WWOX: variants seen among roughly 807,000 people sequenced by gnomAD.
WWOX encodes the protein WW domain containing oxidoreductase.
Under a neutral mutation model 46.2 loss-of-function variants are expected in WWOX, and 69 were observed. The observed-to-expected ratio is 1.49, with a 90% confidence interval of 1.23 to 1.82. WWOX has a LOEUF of 1.82. WWOX is among the 40% of genes most tolerant of loss of function. The pLI is 0.00. For synonymous variants in WWOX, 359 were observed against 202.6 expected (o/e 1.77, Z -6.56); for missense variants, 919 against 542.6 (o/e 1.69, Z -6.89).
intron 8 of WWOX, among the ~76,000 whole-genome samples, chr16:79,200,284 G>A (rs1021461213): frequency 6.6e-6 from 1 of 152,162 alleles, no homozygotes; most frequent in Non-Finnish European, 1.5e-5. Flanking sequence ...GCCACCAGAG[G>A]GATCAAATGG....
Position 78,541,473 on chromosome 16 carries a change from C to CAAA in WWOX, c.1056+108752_1056+108754dup, listed in dbSNP as rs59900108. ...TGGGCGACAGAGCGAGACTCCGTCT[C>CAAA]AAAAAAAAAAAAAAAAAAAAAAAAA... On this transcript the variant is annotated intron_variant, in intron 8 of 8. Coordinates refer to ENST00000566780, the MANE Select transcript of WWOX (RefSeq NM_016373.4). Among the ~76,000 whole-genome samples, 97 of 45,168 alleles carry CAAA rather than the reference C, an allele frequency of 2.1e-3. 19 individuals are homozygous for CAAA. The highest frequency in any genetic ancestry group is 9.0e-3 in the African/African-American group (83 of 9,192). The allele number at this position is 45,168 out of a possible 152,430, so 29.6% of individuals were successfully genotyped here.
chr16:78,312,243 A>C (rs990166426), intron 5 of WWOX, among the ~76,000 whole-genome samples: 1 of 137,068 alleles, frequency 7.3e-6, no homozygotes, highest in Non-Finnish European at 1.6e-5. Flanking sequence ...TCTCGATTTT[A>C]TTTTAATTTT....
chr16:78,646,086 C>T (rs563130420), intron 8 of WWOX, among the ~76,000 whole-genome samples: 6 of 152,286 alleles, frequency 3.9e-5, no homozygotes, highest in African/African-American at 4.8e-5. Context: ...CGCATACTCT[C>T]CTCATGTCAA....
At chr16:78,721,794 AC>A (rs2048698366) in intron 8 of WWOX, among the ~76,000 whole-genome samples, 1 of 152,108 alleles carries the variant, frequency 6.6e-6, no homozygotes, top group Non-Finnish European at 1.5e-5. Flanking sequence ...CTCCGAAGAT[AC>A]CCCCGACTTC....
intron 8 of WWOX, among the ~76,000 whole-genome samples, chr16:78,657,480 A>G (rs1048008826): frequency 2.6e-5 from 4 of 152,212 alleles, no homozygotes; most frequent in Admixed American, 6.5e-5. Context: ...TGCCACTACG[A>G]TGCATGCTGG....
At chr16:78,307,109 C>T (rs1446286438) in intron 5 of WWOX, among the ~76,000 whole-genome samples, 2 of 152,194 alleles carry the variant, frequency 1.3e-5, no homozygotes, top group Admixed American at 6.5e-5. Context: ...GGGATTTCTA[C>T]ACCGTGGCTA....
intron 8 of WWOX, among the ~76,000 whole-genome samples, chr16:79,048,930 G>T (rs2048115635): frequency 6.6e-6 from 1 of 152,186 alleles, no homozygotes; most frequent in African/African-American, 2.4e-5. Context: ...CTTTGGTACA[G>T]AGATGGGAGT....
At chr16:78,500,370 T>A (rs1213747759) in intron 8 of WWOX, among the ~76,000 whole-genome samples, 1 of 151,030 alleles carries the variant, frequency 6.6e-6, no homozygotes, top group Non-Finnish European at 1.5e-5. Context: ...ACAGCCAACA[T>A]TTTTGCATTT....
At chr16:78,762,570 C>T (rs533984236) in intron 8 of WWOX, among the ~76,000 whole-genome samples, 8 of 152,326 alleles carry the variant, frequency 5.3e-5, no homozygotes, top group African/African-American at 1.9e-4. Flanking sequence ...TGCCATGAGT[C>T]GAGGTGACAC....
intron 5 of WWOX, among the ~76,000 whole-genome samples, chr16:78,363,921 T>G (rs2081471604): frequency 6.6e-6 from 1 of 152,212 alleles, no homozygotes; most frequent in Non-Finnish European, 1.5e-5. Context: ...TCCGCCATCT[T>G]GTTGTGATGC....
intron 8 of WWOX, among the ~76,000 whole-genome samples, chr16:78,482,739 C>T (rs1010037781): frequency 5.9e-5 from 9 of 152,092 alleles, no homozygotes; most frequent in Non-Finnish European, 1.0e-4. Context: ...CACTTATTGG[C>T]GCTAAGACTG....
chr16:78,513,177 A>G (rs1403009345), intron 8 of WWOX, among the ~76,000 whole-genome samples: 1 of 152,234 alleles, frequency 6.6e-6, no homozygotes, highest in Non-Finnish European at 1.5e-5. Context: ...AATGCCTCAA[A>G]TCATTTTTGG....
intron 8 of WWOX, among the ~76,000 whole-genome samples, chr16:79,199,618 C>T (rs939290203): frequency 6.6e-6 from 1 of 152,160 alleles, no homozygotes; most frequent in Non-Finnish European, 1.5e-5. Context: ...AGCTAAAATT[C>T]TCCACCTTGC....
At chr16:78,777,228 C>T (rs1438093460) in intron 8 of WWOX, among the ~76,000 whole-genome samples, 1 of 151,932 alleles carries the variant, frequency 6.6e-6, no homozygotes, top group African/African-American at 2.4e-5. Context: ...CTCTTCCTTC[C>T]TACTTAGAAG....
intron 5 of WWOX, among the ~76,000 whole-genome samples, chr16:78,195,821 CAA>C (rs148609646): frequency 1.6e-4 from 12 of 76,056 alleles, no homozygotes; most frequent in African/African-American, 2.6e-4. Flanking sequence ...GACTCTGCCT[CAA>C]AAAAAAAAAA....
In WWOX at chr16:78,337,855, G is replaced by T. The variant is rs1166685630; in HGVS notation, c.517-49005G>T. On this transcript the variant is annotated intron_variant, in intron 5 of 8. Coordinates refer to ENST00000566780, the MANE Select transcript of WWOX (RefSeq NM_016373.4). ...TTCCACCATGAAGAAGTGGAGAGCC[G>T]TGTGACCTCAGTGGTAGAGCTGATG... Among the ~76,000 whole-genome samples the T allele has an allele frequency of 3.0e-5, 3 of 100,332 alleles. 1 individual carries two copies. The highest frequency in any genetic ancestry group is 7.5e-5 in the Non-Finnish European group (3 of 40,224). 65.8% of individuals were successfully genotyped at this position (100,332 alleles called of 152,430 possible).
intron 8 of WWOX, among the ~76,000 whole-genome samples, chr16:79,038,807 C>T (rs1391950871): frequency 6.6e-6 from 1 of 152,150 alleles, no homozygotes. Context: ...GCCTCAGCCT[C>T]CCAAAGTGCT....
intron 8 of WWOX, among the ~76,000 whole-genome samples, chr16:78,942,080 C>A (rs757508552): frequency 4.6e-5 from 7 of 152,102 alleles, no homozygotes; most frequent in Non-Finnish European, 7.4e-5. Context: ...CTTTAGTATG[C>A]CCAAGTTCAA....
At chr16:78,324,796 C>A (rs1296560579) in intron 5 of WWOX, among the ~76,000 whole-genome samples, 1 of 35,508 alleles carries the variant, frequency 2.8e-5, no homozygotes, top group African/African-American at 1.2e-4. Flanking sequence ...TGGGGGTGGG[C>A]GGGATAGGAG....
Sources: allele counts gnomAD v4.1 joint callset (sites outside exome capture counted in the v4.1 genomes callset), GRCh38; gene constraint gnomAD v4.1.1; transcripts MANE v1.5; gene names NCBI Gene and HGNC (gene_info 2026-07-23, HGNC 2026-07-21).